TAFA1: variants seen among roughly 807,000 people sequenced by gnomAD.
The protein encoded by TAFA1 is TAFA chemokine like family member 1, also known as chemokine-like protein TAFA-1.
TAFA1 carries 4 observed loss-of-function variants against 18.5 expected under a neutral mutation model. The observed-to-expected ratio is 0.22, with a 90% CI of 0.11 to 0.49. The LOEUF (loss-of-function observed/expected upper bound fraction) is 0.49. TAFA1 is among the 20% of genes least tolerant of loss of function. The probability of loss-of-function intolerance (pLI) is 0.98; values close to 1 mark genes in which losing one functional copy is unlikely to be tolerated. For missense variants in TAFA1, 147 were observed against 169.0 expected, an observed-to-expected ratio of 0.87 and a Z score of 0.72; for synonymous variants, 56 against 55.2, an observed-to-expected ratio of 1.01 and a Z score of -0.06.
At chr3:68,114,820 A>T (rs771957119) in intron 2 of TAFA1, among the ~76,000 whole-genome samples, 8 of 152,214 alleles carry the variant, frequency 5.3e-5, no homozygotes, top group Admixed American at 1.3e-4. Flanking sequence ...ATCAATTGTA[A>T]AATGGATAGT....
At chr3:68,486,064 A>C (rs1559689335) in intron 3 of TAFA1, among the ~76,000 whole-genome samples, 1 of 136,938 alleles carries the variant, frequency 7.3e-6, no homozygotes, top group Non-Finnish European at 1.6e-5. Flanking sequence ...TTCCTGGCTA[A>C]ATTTTTATTT....
chr3:68,074,541 C>T (rs1221432135), intron 2 of TAFA1, among the ~76,000 whole-genome samples: 11 of 152,150 alleles, frequency 7.2e-5, no homozygotes, highest in African/African-American at 2.7e-4. Flanking sequence ...AAAATGCCTA[C>T]AGCAAAGGGA....
chr3:68,252,533 G>T (rs1461936489), intron 2 of TAFA1, among the ~76,000 whole-genome samples: 1 of 152,170 alleles, frequency 6.6e-6, no homozygotes. Flanking sequence ...GAGCTCTCCA[G>T]TTCTCCACAG....
chr3:68,283,740 A>C (rs751356671), intron 2 of TAFA1, among the ~76,000 whole-genome samples: 1 of 152,142 alleles, frequency 6.6e-6, no homozygotes, highest in African/African-American at 2.4e-5. Flanking sequence ...CTACCTCACA[A>C]CACATCCCAC....
intron 2 of TAFA1, among the ~76,000 whole-genome samples, chr3:68,341,240 C>A (rs924391526): frequency 6.6e-6 from 1 of 152,076 alleles, no homozygotes; most frequent in Non-Finnish European, 1.5e-5. Flanking sequence ...TGGTTAGGGG[C>A]TCAAGAAGTA....
chr3:68,507,651 T>A (rs1455477408), intron 3 of TAFA1, among the ~76,000 whole-genome samples: 1 of 152,134 alleles, frequency 6.6e-6, no homozygotes, highest in Non-Finnish European at 1.5e-5. Context: ...TTGGGAAGCA[T>A]CGTAGTGTGA....
At chr3:68,457,824 C>A (rs1434182210) in intron 3 of TAFA1, among the ~76,000 whole-genome samples, 1 of 152,156 alleles carries the variant, frequency 6.6e-6, no homozygotes, top group Non-Finnish European at 1.5e-5. Flanking sequence ...TACCATTCTA[C>A]TTTCTGCTTC....
chr3:68,478,295 T>C (rs567047789), intron 3 of TAFA1, among the ~76,000 whole-genome samples: 2 of 152,240 alleles, frequency 1.3e-5, no homozygotes, highest in Non-Finnish European at 2.9e-5. Flanking sequence ...TTATGTGGTC[T>C]GCTCATGGTC....
At chr3:68,043,157 C>A (rs1705201649) in intron 2 of TAFA1, among the ~76,000 whole-genome samples, 1 of 152,098 alleles carries the variant, frequency 6.6e-6, no homozygotes, top group Admixed American at 6.5e-5. Flanking sequence ...CAGGTGTGAG[C>A]CACCGTGCCC....
intron 4 of TAFA1, among the ~76,000 whole-genome samples, chr3:68,541,729 T>C (rs751273293): frequency 6.6e-6 from 1 of 152,200 alleles, no homozygotes; most frequent in African/African-American, 2.4e-5. Flanking sequence ...CATACTGTTA[T>C]TTTAAAAGTA....
intron 2 of TAFA1, among the ~76,000 whole-genome samples, chr3:68,280,025 A>G (rs971061101): frequency 6.6e-6 from 1 of 152,152 alleles, no homozygotes; most frequent in Non-Finnish European, 1.5e-5. Flanking sequence ...GTATTCCCAA[A>G]TTATCATTTC....
chr3:68,248,203 C>G (rs977862167), intron 2 of TAFA1, among the ~76,000 whole-genome samples: 1 of 152,144 alleles, frequency 6.6e-6, no homozygotes, highest in Non-Finnish European at 1.5e-5. Context: ...AAATATTCAT[C>G]GTGTTAATTT....
At chr3:68,284,632 A>G (rs1480650588) in intron 2 of TAFA1, among the ~76,000 whole-genome samples, 1 of 152,202 alleles carries the variant, frequency 6.6e-6, no homozygotes, top group Non-Finnish European at 1.5e-5. Context: ...ACTGCCCAGC[A>G]ATAAAAAAGA....
chr3:68,361,498 G>T (rs1309705737), intron 2 of TAFA1, among the ~76,000 whole-genome samples: 2 of 151,950 alleles, frequency 1.3e-5, no homozygotes, highest in Non-Finnish European at 2.9e-5. Flanking sequence ...GACTTGAAGT[G>T]TTATGGGCTC....
chr3:68,379,831 A>G (rs1372367327), intron 2 of TAFA1, among the ~76,000 whole-genome samples: 1 of 151,538 alleles, frequency 6.6e-6, no homozygotes, highest in Non-Finnish European at 1.5e-5. Flanking sequence ...TTTGTTACAT[A>G]GGTATACATG....
intron 3 of TAFA1, among the ~76,000 whole-genome samples, chr3:68,442,475 C>T (rs917665978): frequency 9.2e-5 from 14 of 152,090 alleles, no homozygotes; most frequent in African/African-American, 3.1e-4. Flanking sequence ...CTTGAAGGCC[C>T]CACCTCTCAA....
chr3:68,394,648 T>A (rs920717091), intron 2 of TAFA1, among the ~76,000 whole-genome samples: 1 of 151,874 alleles, frequency 6.6e-6, no homozygotes, highest in African/African-American at 2.4e-5. Flanking sequence ...CAAATAACAC[T>A]ATGCATCTAC....
rs917828526 is a variant in TAFA1, at chr3:68,448,435, A to G, written c.259+31015A>G. 2.2e-4 allele frequency among the ~76,000 whole-genome samples: 33 copies of G among 152,340 alleles called. 1 individual carries two copies. In the East Asian group the frequency reaches 2.3e-3, roughly 11 times the overall value. ...TTTAAAATAATGAAGAGCATAAACA[A>G]TGTTTCAATGACTCTATTAATACGA... On this transcript the variant is annotated intron_variant, in intron 3 of 4. Transcript: ENST00000478136.
rs574630183 is a variant in TAFA1, at chr3:68,118,224, CAG to C, written c.118+111481_118+111482del. Among the ~76,000 whole-genome samples, 343 of 152,240 alleles carry C rather than the reference CAG, an allele frequency of 2.3e-3. 1 individual carries two copies. The highest frequency in any genetic ancestry group is 8.0e-3 in the African/African-American group (333 of 41,532). ...AGTCCCATCTGAAGGTGATGAAAGA[CAG>C]GGACAGATCATCAGGCATTCGATTC... On this transcript the variant is annotated intron_variant, in intron 2 of 4. Coordinates refer to ENST00000478136, the MANE Select transcript of TAFA1 (RefSeq NM_213609.4).
Sources: gnomAD v4.1 joint callset for allele counts (sites outside exome capture counted in the v4.1 genomes callset) on GRCh38, gnomAD v4.1.1 for gene constraint, MANE v1.5 for transcripts, NCBI Gene and HGNC (gene_info 2026-07-23, HGNC 2026-07-21) for gene names.